Variants in DGLUCY observed in about 807,000 individuals in gnomAD.
DGLUCY encodes D-glutamate cyclase.
Under a neutral mutation model 58.5 loss-of-function variants are expected in DGLUCY, and 58 were observed. That is an observed-to-expected ratio of 0.99 (90% CI 0.80 to 1.23). DGLUCY has a LOEUF of 1.23. Among genes scored for constraint, DGLUCY ranks in the 50% most tolerant of loss-of-function variants. The pLI, the probability that DGLUCY is intolerant of heterozygous loss-of-function variation, is 0.00. For synonymous variants in DGLUCY, 325 were observed against 314.1 expected (o/e 1.03, Z -0.37); for missense variants, 779 against 784.7 (o/e 0.99, Z 0.09).
intron 1 of DGLUCY, among the ~76,000 whole-genome samples, chr14:91,070,948 T>G (rs2043904820): frequency 6.6e-6 from 1 of 152,106 alleles, no homozygotes; most frequent in Non-Finnish European, 1.5e-5. Context: ...AGCAACACAA[T>G]GTTAAAGGAC....
intron 13 of DGLUCY, among the ~76,000 whole-genome samples, chr14:91,218,324 GC>G (rs1483866271): frequency 2.6e-5 from 4 of 151,888 alleles, no homozygotes; most frequent in African/African-American, 9.7e-5. Context: ...ACAGATGGAA[GC>G]TTTTCCTTCT....
At chr14:91,173,071 A>T (rs28374512) in intron 5 of DGLUCY, among the ~76,000 whole-genome samples, 1 of 152,106 alleles carries the variant, frequency 6.6e-6, no homozygotes, top group Non-Finnish European at 1.5e-5. Context: ...TAGTCTACCA[A>T]AGGGGTCCGT....
rs375738080 is a variant in DGLUCY at position 91,068,079 on chromosome 14, G to GCGCGCACACA, written c.-82+7376_-82+7377insGCGCACACAC. ...CGCGTGCACACACACACACGCGCAC[G>GCGCGCACACA]CACACACACACACACACACACACAC... On this transcript the variant is annotated intron_variant, in intron 1 of 4. Transcript: ENST00000521334. Among the ~76,000 whole-genome samples the GCGCGCACACA allele has an allele frequency of 8.4e-3, 1,233 of 146,426 alleles. 16 individuals carry two copies. Among genetic ancestry groups the GCGCGCACACA allele is most frequent in the East Asian group, 0.068 (334 of 4,942 alleles).
At chr14:91,075,640 C>A (rs899695194) in intron 1 of DGLUCY, among the ~76,000 whole-genome samples, 1 of 152,142 alleles carries the variant, frequency 6.6e-6, no homozygotes, top group Non-Finnish European at 1.5e-5. Context: ...TGGGAAAGGA[C>A]AAGAGGAAAT....
chr14:91,196,254 CAGAT>C (rs2050199685), intron 9 of DGLUCY, 117 bp from the exon 10 acceptor site: 8 of 722,790 alleles, frequency 1.1e-5, no homozygotes, highest in South Asian at 5.2e-5. Flanking sequence ...ACATGTTCTA[CAGAT>C]AGATGTTGTT....
intron 7 of DGLUCY, among the ~76,000 whole-genome samples, chr14:91,180,148 C>A (rs2049087982): frequency 6.6e-6 from 1 of 151,664 alleles, no homozygotes; most frequent in South Asian, 2.1e-4. Context: ...CCTTGGCCTC[C>A]CAAAGTATTG....
intron 2 of DGLUCY, chr14:91,158,970 C>T (rs187873850): frequency 6.8e-6 from 1 of 148,122 alleles, no homozygotes; most frequent in East Asian, 2.0e-4. Context: ...GCTAGGACTA[C>T]AGGCATGCAA....
intron 1 of DGLUCY, among the ~76,000 whole-genome samples, chr14:91,142,984 C>T (rs113056691): frequency 1.5e-5 from 2 of 129,438 alleles, no homozygotes; most frequent in Admixed American, 8.6e-5. Flanking sequence ...GAGCCGAGAT[C>T]GTGCTACTGC....
intron 1 of DGLUCY, among the ~76,000 whole-genome samples, chr14:91,151,340 C>T (rs1008169487): frequency 2.6e-5 from 4 of 151,346 alleles, no homozygotes; most frequent in South Asian, 2.1e-4. Flanking sequence ...CCGGGGTTCA[C>T]GCCATTCTCC....
intron 1 of DGLUCY, among the ~76,000 whole-genome samples, chr14:91,062,570 T>A (rs867433778): frequency 0.16 from 1,066 of 6,768 alleles, 83 homozygotes; most frequent in Non-Finnish European, 0.22. Context: ...TATATATATA[T>A]ATATATATAT....
At chr14:91,068,104 CACACACACACA>C (rs1566928245) in intron 1 of DGLUCY, among the ~76,000 whole-genome samples, 1 of 152,004 alleles carries the variant, frequency 6.6e-6, no homozygotes, top group African/African-American at 2.4e-5. Context: ...CACACACACA[CACACACACACA>C]CCCCTTGCAT....
chr14:91,165,241 A>G lies in DGLUCY; in HGVS notation c.104-1984A>G, dbSNP rs1295560036. On this transcript the variant is annotated intron_variant, in intron 3 of 13. Transcript: ENST00000256324. ...TCTGTAACCGTAATTTTAAACATCT[A>G]CACAGGATTTCATTGAACAGTAACT... 2 of 456,256 alleles carry G rather than the reference A, an allele frequency of 4.4e-6. 1 individual carries two copies. The highest frequency in any genetic ancestry group is 3.1e-5 in the South Asian group (2 of 64,554). 28.3% of individuals were successfully genotyped at this position (456,256 alleles called of 1,614,324 possible).
At chr14:91,115,960 C>G (rs148836484) in intron 1 of DGLUCY, among the ~76,000 whole-genome samples, 307 of 152,316 alleles carry the variant, frequency 2.0e-3, no homozygotes, top group Admixed American at 5.8e-3. Flanking sequence ...AACTTCTGTA[C>G]CTGCCTGGTT....
At chr14:91,145,783 G>A (rs570382853) in intron 1 of DGLUCY, among the ~76,000 whole-genome samples, 2 of 152,298 alleles carry the variant, frequency 1.3e-5, no homozygotes, top group East Asian at 3.9e-4. Flanking sequence ...TTGTAGATGG[G>A]AAAGCTAAGA....
At chr14:91,096,966 T>C (rs1424760877) in intron 1 of DGLUCY, among the ~76,000 whole-genome samples, 4 of 152,222 alleles carry the variant, frequency 2.6e-5, no homozygotes, top group Non-Finnish European at 5.9e-5. Context: ...CAGATTTCTG[T>C]GTCAGCTTAA....
chr14:91,066,584 G>A (rs977230147), intron 1 of DGLUCY, among the ~76,000 whole-genome samples: 2 of 151,930 alleles, frequency 1.3e-5, no homozygotes, highest in Non-Finnish European at 2.9e-5. Context: ...TTGAGCCCAG[G>A]AGTTCTTGAA....
At chr14:91,096,732 C>T (rs1037804152) in intron 1 of DGLUCY, among the ~76,000 whole-genome samples, 1 of 152,234 alleles carries the variant, frequency 6.6e-6, no homozygotes, top group South Asian at 2.1e-4. Flanking sequence ...AAGGTTTCAG[C>T]GTGTACATTC....
At chr14:91,085,619 G>C (rs1157165462) in intron 1 of DGLUCY, among the ~76,000 whole-genome samples, 1 of 150,166 alleles carries the variant, frequency 6.7e-6, no homozygotes, top group Non-Finnish European at 1.5e-5. Context: ...CCCCAGGCTG[G>C]AGTGCAATGG....
intron 1 of DGLUCY, among the ~76,000 whole-genome samples, chr14:91,097,312 C>A (rs1403542888): frequency 1.3e-5 from 2 of 152,092 alleles, no homozygotes; most frequent in African/African-American, 2.4e-5. Context: ...GAGAGGGTTG[C>A]TTGAGGCCAG....
Sources: gnomAD v4.1 joint callset for allele counts (sites outside exome capture counted in the v4.1 genomes callset) on GRCh38, gnomAD v4.1.1 for gene constraint, MANE v1.5 for transcripts, NCBI Gene and HGNC (gene_info 2026-07-23, HGNC 2026-07-21) for gene names.